Variants in HNRNPH1 observed in about 807,000 individuals in gnomAD.
HNRNPH1 encodes the protein heterogeneous nuclear ribonucleoprotein H1.
In HNRNPH1, 4 loss-of-function variants were observed where a neutral mutation model predicts 58.6. That is an observed-to-expected ratio of 0.07 (90% CI 0.03 to 0.16). The LOEUF (loss-of-function observed/expected upper bound fraction) is 0.16. Ranked by LOEUF, HNRNPH1 falls within the 10% of genes least tolerant of loss-of-function variation. HNRNPH1 has a pLI of 1.00. For synonymous variants in HNRNPH1, 192 were observed against 189.2 expected (o/e 1.01, Z -0.12); for missense variants, 271 against 564.2 (o/e 0.48, Z 5.26).
At chr5:179,622,958 CCCCGCCCCAG>C in intron 1 of HNRNPH1, 69 bp downstream of exon 2, 1 of 141,650 alleles carries the variant, frequency 7.1e-6, no homozygotes, top group Non-Finnish European at 1.5e-5. Flanking sequence ...CCCCGCCCCG[CCCCGCCCCAG>C]CCCGGCCGCC....
exon 1 of HNRNPH1, chr5:179,623,190 G>A (rs533094675): frequency 7.0e-6 from 9 of 1,286,528 alleles, no homozygotes; most frequent in African/African-American, 4.4e-5. Context: ...GACCAGAACT[G>A]AGAGCGCCAA....
chr5:179,627,280 C>G (rs540853490), upstream of HNRNPH1, among the ~76,000 whole-genome samples: 1 of 152,196 alleles, frequency 6.6e-6, no homozygotes, highest in Non-Finnish European at 1.5e-5. Context: ...CAGCCTTGAA[C>G]TCCTGGGCTC....
At chr5:179,626,404 CAAAGGTTTTTTTAA>C (rs2127731932), upstream of HNRNPH1, among the ~76,000 whole-genome samples, 1 of 151,356 alleles carries the variant, frequency 6.6e-6, no homozygotes, top group South Asian at 2.1e-4. Flanking sequence ...CATGCTCGGC[CAAAGGTTTTTTTAA>C]ATAAAAAGTT....
At chr5:179,621,197 T>C (rs779213449) in intron 2 of HNRNPH1, 45 bp downstream of exon 3, 5 of 1,582,076 alleles carry the variant, frequency 3.2e-6, no homozygotes, top group Non-Finnish European at 4.3e-6. Context: ...AGACCTCTAT[T>C]GTTTAATGCT....
chr5:179,623,401 TGGC>T (rs1773718221), exon 1 of HNRNPH1: 1 of 260,842 alleles, frequency 3.8e-6, no homozygotes, highest in Non-Finnish European at 7.6e-6. Flanking sequence ...GGAAAGGAAA[TGGC>T]GGCGGCCGCT....
At chr5:179,619,641 A>G (rs1470344229) in intron 3 of HNRNPH1, 1 of 313,556 alleles carries the variant, frequency 3.2e-6, no homozygotes, top group East Asian at 5.1e-5. Flanking sequence ...AACTTGCTGA[A>G]CACAGGATGC....
chr5:179,620,473 T>C (rs566345172), intron 3 of HNRNPH1, among the ~76,000 whole-genome samples: 1 of 152,230 alleles, frequency 6.6e-6, no homozygotes, highest in South Asian at 2.1e-4. Context: ...GACCATTAGA[T>C]GCTTCTGGTC....
At chr5:179,620,249 C>T (rs1018704275) in intron 3 of HNRNPH1, among the ~76,000 whole-genome samples, 11 of 152,292 alleles carry the variant, frequency 7.2e-5, no homozygotes, top group Admixed American at 6.5e-4. Context: ...TATACGATAT[C>T]TTATCTAACA....
chr5:179,616,031 G>A, intron 11 of HNRNPH1, 95 bp downstream of exon 12: 3 of 1,100,310 alleles, frequency 2.7e-6, no homozygotes, highest in Non-Finnish European at 4.2e-6. Flanking sequence ...CTTACTCTAA[G>A]TACAGTAACA....
Position 179,614,963 on chromosome 5 carries a change from CAA to C in HNRNPH1, c.*1-6_*1-5del, listed in dbSNP as rs750551261. ...CTGTTCACTGCTCCTTGGTTACCTG[CAA>C]AGAGATCAATTTGACAAGTTAGGAG... On this transcript the variant is annotated splice_polypyrimidine_tract_variant and splice_region_variant and intron_variant, in intron 12 of 12. Coordinates refer to ENST00000356731, the Ensembl canonical transcript of HNRNPH1. The C allele has an allele frequency of 1.8e-5, 27 of 1,485,668 alleles. No individual in the cohort carries two copies. The South Asian group carries it at 3.0e-4, about 17-fold the overall frequency. 92.0% of individuals were successfully genotyped at this position (1,485,668 alleles called of 1,614,324 possible). A position where few individuals can be genotyped will look rare whatever the true frequency, so the allele number is the denominator to read the frequency against.
chr5:179,633,193 T>C (rs954963157), intron 2 of HNRNPH1, among the ~76,000 whole-genome samples: 1 of 151,386 alleles, frequency 6.6e-6, no homozygotes, highest in Non-Finnish European at 1.5e-5. Context: ...GGTTTCACCA[T>C]GTTGGTCATG....
chr5:179,617,788 C>G lies in HNRNPH1; in HGVS notation c.921+11G>C. Reference sequence around the variant, plus strand: ...CTGAAATATTGACTTGTGAGTTCATCTCACACTTACATTATAAATGTCATT... The same window carrying G: ...CTGAAATATTGACTTGTGAGTTCATGTCACACTTACATTATAAATGTCATT... On this transcript the variant is annotated intron_variant, in intron 7 of 12. Transcript: ENST00000356731. 1 of 1,613,386 alleles carries G rather than the reference C, an allele frequency of 6.2e-7. No homozygotes were observed. Among genetic ancestry groups the G allele is most frequent in the Non-Finnish European group, 8.5e-7 (1 of 1,179,446 alleles).
exon 13 of HNRNPH1, chr5:179,614,804 AAAGGTT>A: frequency 1.1e-6 from 1 of 921,142 alleles, no homozygotes; most frequent in South Asian, 1.6e-5. Flanking sequence ...AAAAAAAAAA[AAAGGTT>A]GACCAAGAGT....
At chr5:179,633,649 T>TC (rs1562376772) in intron 2 of HNRNPH1, among the ~76,000 whole-genome samples, 1 of 151,988 alleles carries the variant, frequency 6.6e-6, no homozygotes, top group East Asian at 1.9e-4. Flanking sequence ...GCGCAGTGGC[T>TC]CATGCCTGCA....
In HNRNPH1 at chr5:179,617,698, A is replaced by C. The variant is rs917847872; in HGVS notation, c.922-49T>G. ...AATTCAACCAACTTTCTAACGTTAC[A>C]AAAAAAACCTAAAATTTCTAACATA... On this transcript the variant is annotated intron_variant, in intron 7 of 12. Coordinates refer to ENST00000356731, the Ensembl canonical transcript of HNRNPH1. 1.2e-5 allele frequency: 19 copies of C among 1,600,962 alleles called. No homozygotes were observed. In the East Asian group the frequency reaches 1.8e-4, roughly 15 times the overall value.
chr5:179,620,716 A>AT (rs1287341913), intron 3 of HNRNPH1, 176 bp downstream of exon 4: 2 of 597,586 alleles, frequency 3.3e-6, no homozygotes, highest in Non-Finnish European at 3.0e-6. Flanking sequence ...GAAGTACTTC[A>AT]TTTCCACCTT....
chr5:179,625,932 A>ATTATTTAT (rs71591435), upstream of HNRNPH1, among the ~76,000 whole-genome samples: 24,870 of 144,102 alleles, frequency 0.17, 2,468 homozygotes, highest in Middle Eastern at 0.22. Flanking sequence ...CCTTGCTCAG[A>ATTATTTAT]TTATTTATTT....
chr5:179,615,519 AT>A (rs754222438), intron 12 of HNRNPH1, 26 bp downstream of exon 13: 2 of 1,238,542 alleles, frequency 1.6e-6, no homozygotes, highest in Non-Finnish European at 1.2e-6. Flanking sequence ...GCTATTGGGA[AT>A]TTATATTTTT....
intron 4 of HNRNPH1, 54 bp from the exon 6 acceptor site, chr5:179,618,377 AT>A: frequency 8.2e-7 from 1 of 1,222,788 alleles, no homozygotes; most frequent in Non-Finnish European, 1.2e-6. Flanking sequence ...ACATTAGTTC[AT>A]TTTATACAGG....
Sources: allele counts gnomAD v4.1 joint callset (sites outside exome capture counted in the v4.1 genomes callset), GRCh38; gene constraint gnomAD v4.1.1; transcripts MANE v1.5; gene names NCBI Gene and HGNC (gene_info 2026-07-23, HGNC 2026-07-21).